Variants in LOX observed in about 807,000 individuals in gnomAD.
LOX encodes lysyl oxidase, also known as protein-lysine 6-oxidase.
LOX carries 12 observed loss-of-function variants against 50.5 expected under a neutral mutation model. The observed-to-expected ratio is 0.24, with a 90% CI of 0.15 to 0.38. The LOEUF is 0.38. Among genes scored for constraint, LOX ranks in the 10% least tolerant of loss-of-function variants. The pLI, the probability that LOX is intolerant of heterozygous loss-of-function variation, is 1.00. For synonymous variants in LOX, 254 were observed against 230.6 expected, an observed-to-expected ratio of 1.10 and a Z score of -0.92; for missense variants, 504 against 563.8, an observed-to-expected ratio of 0.89 and a Z score of 1.07.
chr5:122,068,174 T>TAAAAAAAAAAAAAAA (rs10650287), intron 6 of LOX, among the ~76,000 whole-genome samples: 1 of 115,908 alleles, frequency 8.6e-6, no homozygotes, highest in Non-Finnish European at 1.7e-5. Flanking sequence ...TAATAACTAG[T>TAAAAAAAAAAAAAAA]AAAAAAAAAA....
In LOX at chr5:122,066,739, C is replaced by G; in HGVS notation, c.*4G>C. 1 of 1,598,854 alleles carries G rather than the reference C, an allele frequency of 6.3e-7. No homozygotes were observed. Among genetic ancestry groups the G allele is most frequent in the Non-Finnish European group, 8.6e-7 (1 of 1,166,954 alleles). ...TTTATCCATTGGGAGTTTTGCTTTG[C>G]CTTCTAATACCTAGATTAAGAAGAC... On this transcript the variant is annotated 3_prime_UTR_variant, in exon 7 of 7. Transcript: ENST00000231004.
intron 2 of LOX, among the ~76,000 whole-genome samples, chr5:122,076,355 C>G (rs779237193): frequency 6.6e-6 from 1 of 152,162 alleles, no homozygotes. Context: ...CCCAGAGTTA[C>G]TATTTTATTT....
chr5:122,067,527 A>C (rs1754331464), intron 6 of LOX, among the ~76,000 whole-genome samples: 2 of 152,076 alleles, frequency 1.3e-5, no homozygotes, highest in Non-Finnish European at 2.9e-5. Context: ...CTTCAGAGTC[A>C]CACTCACTGC....
chr5:122,074,221 A>G, intron 3 of LOX, 52 bp from the exon 4 acceptor site: 2 of 1,502,220 alleles, frequency 1.3e-6, no homozygotes, highest in Non-Finnish European at 9.2e-7. Context: ...CAGAGAAAGC[A>G]ATGAAGATAT....
rs535032095 is a variant in LOX, at chr5:122,074,018, T to A, written c.1030A>T (p.Thr344Ser). ...YHRRFACTAH[T>S]QGLSPGCYDT... Reference sequence around the variant, plus strand: ...ATTTCAGGGTGCCAACATACCTGTGTGTGTGCAGTACATGCAAATCGCCTG... The same window carrying A: ...ATTTCAGGGTGCCAACATACCTGTGAGTGTGCAGTACATGCAAATCGCCTG... The change falls in exon 4 of 7, where the codon ACA becomes TCA. Residue 344 changes from threonine (T) to serine (S), a missense_variant. Transcript: ENST00000231004. The A allele has an allele frequency of 3.1e-6, 5 of 1,613,462 alleles. No individual in the cohort carries two copies. In the Admixed American group the frequency reaches 8.3e-5, roughly 27 times the overall value.
chr5:122,069,854 A>C (rs1754399856), intron 6 of LOX, 199 bp downstream of exon 6: 2 of 579,926 alleles, frequency 3.4e-6, no homozygotes, highest in South Asian at 3.1e-5. Context: ...TTCTCCTGAA[A>C]ACTAAAAACC....
At chr5:122,067,896 C>T (rs144429656) in intron 6 of LOX, among the ~76,000 whole-genome samples, 12 of 152,016 alleles carry the variant, frequency 7.9e-5, no homozygotes, top group African/African-American at 9.6e-5. Context: ...GAAACTCAGC[C>T]CAAAGAGACC....
At chr5:122,070,795 G>T (rs1311557337) in intron 4 of LOX, 1 of 398,516 alleles carries the variant, frequency 2.5e-6, no homozygotes, top group South Asian at 7.0e-5. Flanking sequence ...ACTAATATAA[G>T]TAGTAGTACA....
intron 5 of LOX, 34 bp from the exon 6 acceptor site, chr5:122,070,202 T>G (rs766681683): frequency 8.5e-7 from 1 of 1,169,838 alleles, no homozygotes; most frequent in Non-Finnish European, 1.3e-6. Flanking sequence ...AGTATTTCTT[T>G]TTCCATAGGG....
Position 122,076,861 on chromosome 5 carries a change from G to A in LOX, c.740+32C>T, listed in dbSNP as rs780776669. ...CAGAGCGCCCCCTGAAGGTAGACCG[G>A]GGAGCGGGGCCTCAGACATATCAGC... is the stretch of plus-strand genomic sequence containing the variant. On this transcript the variant is annotated intron_variant, in intron 2 of 6. Coordinates refer to ENST00000231004, the MANE Select transcript of LOX (RefSeq NM_002317.7). 3.1e-6 allele frequency: 5 copies of A among 1,601,580 alleles called. 1 individual carries two copies. In the South Asian group the frequency reaches 5.5e-5, roughly 18 times the overall value.
Position 122,075,379 on chromosome 5 carries a change from G to C in LOX, c.878+25C>G, listed in dbSNP as rs181618825. 64 of 1,569,158 alleles carry C rather than the reference G, an allele frequency of 4.1e-5. No homozygotes were observed. The East Asian group carries it at 1.3e-3, about 33-fold the overall frequency. ...CTGAGAAATGAAAAGCAACCCAAAA[G>C]TACCCAGGAGGCCCATTTACTTACT... On this transcript the variant is annotated intron_variant, in intron 3 of 6. Transcript: ENST00000231004.
chr5:122,068,297 C>A (rs1383671568), intron 6 of LOX, among the ~76,000 whole-genome samples: 1 of 151,760 alleles, frequency 6.6e-6, no homozygotes, highest in Non-Finnish European at 1.5e-5. Context: ...TCTAGCAATA[C>A]CCAATTCAAT....
rs1191340456 is a variant in LOX at position 122,064,711 on chromosome 5, A to C, written c.*2032T>G. The stretch of plus-strand genomic sequence containing the variant: ...GATTTTTAATACTTATTGAGGTTAT[A>C]GACAGTCTTTTTTATGTCTCAATGC... On this transcript the variant is annotated 3_prime_UTR_variant, in exon 7 of 7. Coordinates refer to ENST00000231004, the MANE Select transcript of LOX (RefSeq NM_002317.7). The C allele has an allele frequency of 6.6e-6, 1 of 151,998 alleles. No individual in the cohort carries two copies. The highest frequency in any genetic ancestry group is 1.9e-4 in the East Asian group (1 of 5,190). The allele number at this position is 151,998 out of a possible 1,614,324, so 9.4% of individuals were successfully genotyped here.
chr5:122,067,411 A>G (rs974824446), intron 6 of LOX, among the ~76,000 whole-genome samples: 4 of 152,092 alleles, frequency 2.6e-5, no homozygotes, highest in Non-Finnish European at 5.9e-5. Flanking sequence ...GGGTACATTA[A>G]CAGCACATAC....
At position 122,077,520 on chromosome 5, in the gene LOX, T is replaced by A. The variant is rs759012419; in HGVS notation, c.466A>T (p.Asn156Tyr). 34 of 1,613,654 alleles carry A rather than the reference T, an allele frequency of 2.1e-5. No individual in the cohort carries two copies. Among genetic ancestry groups the A allele is most frequent in the Non-Finnish European group, 2.6e-5 (31 of 1,179,978 alleles). ...TCCACGCGGCTGGGCGGCCGCAGGTTACTGAGCGCAGGAACTTCTCCCGGC... is the reference window on the plus strand; with the variant it reads ...TCCACGCGGCTGGGCGGCCGCAGGTAACTGAGCGCAGGAACTTCTCCCGGC... ...TAPGEVPALSNLRPPSRVDGM... is the reference protein window; with the variant it reads ...TAPGEVPALSYLRPPSRVDGM... The change falls in exon 1 of 7, where the codon AAC (asparagine) becomes TAC (tyrosine). Residue 156 changes from asparagine (N) to tyrosine (Y), a missense_variant. By Grantham distance (143) the Asn-to-Tyr change is moderately radical (BLOSUM62 -2). Coordinates refer to ENST00000231004, the MANE Select transcript of LOX (RefSeq NM_002317.7). The surrounding 1 kb of genome is among the most constrained non-coding windows in gnomAD (Gnocchi z 4.9).
In LOX at chr5:122,077,292, C is replaced by G; in HGVS notation, c.631+63G>C. 1.2e-6 allele frequency: 2 copies of G among 1,603,016 alleles called. No homozygotes were observed. The highest frequency in any genetic ancestry group is 1.7e-6 in the Non-Finnish European group (2 of 1,174,826). ...GCCCGCCGCGCCCAGGCAGCCACGT[C>G]GAGAAGCCACATAGCTGGGGACCAG... is the stretch of plus-strand genomic sequence containing the variant. On this transcript the variant is annotated intron_variant, in intron 1 of 6. Coordinates refer to ENST00000231004, the MANE Select transcript of LOX (RefSeq NM_002317.7). This position sits in a 1 kb window ranked among gnomAD's most constrained non-coding sequence, Gnocchi z 4.9.
At chr5:122,074,585 T>A (rs1179400749) in intron 3 of LOX, among the ~76,000 whole-genome samples, 1 of 152,192 alleles carries the variant, frequency 6.6e-6, no homozygotes, top group Non-Finnish European at 1.5e-5. Flanking sequence ...TTTTAAAAAA[T>A]TGAGTTCTCA....
rs564491739 is a variant in LOX, at chr5:122,070,310, G to C, written c.1132-142C>G. 48 of 657,814 alleles carry C rather than the reference G, an allele frequency of 7.3e-5. No homozygotes were observed. In the Admixed American group the frequency reaches 1.3e-3, roughly 17 times the overall value. 40.7% of individuals were successfully genotyped at this position (657,814 alleles called of 1,614,324 possible). On this transcript the variant is annotated intron_variant, in intron 5 of 6. Transcript: ENST00000231004. Reference sequence around the variant, plus strand: ...TTAAACTCTGGAGACGTTATGGAAAGAGACTGCATATTTTCCCCTGAAGTT... The same window carrying C: ...TTAAACTCTGGAGACGTTATGGAAACAGACTGCATATTTTCCCCTGAAGTT...
rs1287876934 is a variant in LOX at position 122,078,215 on chromosome 5, G to C, written c.-230C>G. ...CCTTTCCCCTTTCTCAGTCCTGGAAGGCAACGGGGAGCGGCGCGGCAGTCC... is the reference window on the plus strand; with the variant it reads ...CCTTTCCCCTTTCTCAGTCCTGGAACGCAACGGGGAGCGGCGCGGCAGTCC... On this transcript the variant is annotated 5_prime_UTR_variant, in exon 1 of 7. Transcript: ENST00000231004. 1 of 421,774 alleles carries C rather than the reference G, an allele frequency of 2.4e-6. No individual in the cohort carries two copies. Among genetic ancestry groups the C allele is most frequent in the African/African-American group, 2.1e-5 (1 of 48,394 alleles). The allele number at this position is 421,774 out of a possible 1,614,324, so 26.1% of individuals were successfully genotyped here.
Sources: gnomAD v4.1 joint callset for allele counts (sites outside exome capture counted in the v4.1 genomes callset) on GRCh38, gnomAD v4.1.1 for gene constraint, Gnocchi (gnomAD v3.1) non-coding constraint, MANE v1.5 for transcripts, NCBI Gene and HGNC (gene_info 2026-07-23, HGNC 2026-07-21) for gene names.